BTLA: variants seen among roughly 807,000 people sequenced by gnomAD.
The protein encoded by BTLA is B- and T-lymphocyte attenuator.
BTLA carries 11 observed loss-of-function variants against 25.0 expected under a neutral mutation model. That is an observed-to-expected ratio of 0.44 (90% confidence interval 0.28 to 0.73). The LOEUF is 0.73. Among genes scored for constraint, BTLA ranks in the 30% least tolerant of loss-of-function variants. BTLA has a pLI of 0.15. For synonymous variants in BTLA, 104 were observed against 119.8 expected (o/e 0.87, Z 0.86); for missense variants, 282 against 332.8 (o/e 0.85, Z 1.19).
intron 2 of BTLA, among the ~76,000 whole-genome samples, chr3:112,472,437 C>A (rs2082267831): frequency 6.6e-6 from 1 of 151,906 alleles, no homozygotes; most frequent in Non-Finnish European, 1.5e-5. Context: ...TGGCTCACAC[C>A]TGTAATCTCA....
In BTLA at chr3:112,466,312, T is replaced by A. The variant is rs753501143; in HGVS notation, c.666A>T (p.Glu222Asp). The stretch of plus-strand genomic sequence containing the variant: ...CAGGGTCATTATCATAAATTCCAGT[T>A]TCTGATAGCAGTACTTGGGAATTTT... ...TRQNSQVLLS[E>D]TGIYDNDPDL... is the part of the protein sequence containing the mutation. Residue 222 changes from glutamate to aspartate, a missense_variant, in exon 5 of 5, where the codon GAA (glutamate) becomes GAT (aspartate). Transcript: ENST00000334529. The A allele has an allele frequency of 3.7e-6, 6 of 1,613,860 alleles. No individual in the cohort carries two copies. Among genetic ancestry groups the A allele is most frequent in the African/African-American group, 1.3e-5 (1 of 74,936 alleles).
chr3:112,489,092 C>T, intron 1 of BTLA, among the ~76,000 whole-genome samples: 1 of 152,114 alleles, frequency 6.6e-6, no homozygotes. Flanking sequence ...GCTCAACATA[C>T]CTTACAGTGG....
intron 1 of BTLA, among the ~76,000 whole-genome samples, chr3:112,492,075 C>A (rs2082383541): frequency 6.6e-6 from 1 of 152,200 alleles, no homozygotes; most frequent in Admixed American, 6.5e-5. Context: ...TTCATTACAT[C>A]TCTGCCAAGT....
chr3:112,488,506 G>GCCA lies in BTLA; in HGVS notation c.89-8740_89-8738dup, dbSNP rs571367718. The stretch of plus-strand genomic sequence containing the variant: ...CAAAGTGCTGGGATTACAGGCGTGA[G>GCCA]CCACCGCACTGGGCCTAGCCCAGTA... On this transcript the variant is annotated intron_variant, in intron 1 of 4. Transcript: ENST00000334529. Among the ~76,000 whole-genome samples, 11 of 152,246 alleles carry GCCA rather than the reference G, an allele frequency of 7.2e-5. 1 individual carries two copies. Among genetic ancestry groups the GCCA allele is most frequent in the Middle Eastern group, 3.4e-3 (1 of 294 alleles).
At position 112,499,369 on chromosome 3, in the gene BTLA, T is replaced by G; in HGVS notation, c.-11A>C. The G allele has an allele frequency of 1.2e-6, 2 of 1,611,994 alleles. No homozygotes were observed. Among genetic ancestry groups the G allele is most frequent in the Non-Finnish European group, 1.7e-6 (2 of 1,178,970 alleles). ...AGGCAATGTCTTCATTTCCTGCACA[T>G]ATCAGTGATGGAAAAACTGCTCAAG... On this transcript the variant is annotated 5_prime_UTR_variant, in exon 1 of 5. An upstream start codon of the reference 5' UTR is lost. Transcript: ENST00000334529.
rs972031735 is a variant in BTLA at position 112,493,069 on chromosome 3, A to G, written c.88+6202T>C. ...TGAGATAAACATGTAAATCAGGTCC[A>G]TAACCATGAGAGTATACCAGAAAGG... On this transcript the variant is annotated intron_variant, in intron 1 of 4. Transcript: ENST00000334529. Among the ~76,000 whole-genome samples the G allele has an allele frequency of 3.3e-5, 5 of 152,220 alleles. No homozygotes were observed. In the South Asian group the frequency reaches 1.0e-3, roughly 32 times the overall value.
At chr3:112,475,948 A>G (rs2082286477) in intron 2 of BTLA, among the ~76,000 whole-genome samples, 1 of 152,212 alleles carries the variant, frequency 6.6e-6, no homozygotes, top group South Asian at 2.1e-4. Context: ...CATTAATGTG[A>G]ATTAATAATG....
intron 1 of BTLA, among the ~76,000 whole-genome samples, chr3:112,488,196 A>C (rs2082358929): frequency 2.0e-5 from 3 of 148,438 alleles, no homozygotes; most frequent in Non-Finnish European, 3.0e-5. Flanking sequence ...TCAATTCTCC[A>C]CATCACTGTC....
At chr3:112,493,446 G>A (rs541214721) in intron 1 of BTLA, among the ~76,000 whole-genome samples, 1 of 151,802 alleles carries the variant, frequency 6.6e-6, no homozygotes, top group East Asian at 2.0e-4. Context: ...ACTTAAATAA[G>A]TTTACAAGAA....
At chr3:112,467,554 C>T (rs2082236986) in intron 4 of BTLA, among the ~76,000 whole-genome samples, 1 of 152,206 alleles carries the variant, frequency 6.6e-6, no homozygotes, top group African/African-American at 2.4e-5. Flanking sequence ...TTTGTCTGGT[C>T]CTTTGTCATC....
chr3:112,490,604 AACACACACACACACAC>A (rs55894234), intron 1 of BTLA, among the ~76,000 whole-genome samples: 2 of 142,342 alleles, frequency 1.4e-5, no homozygotes, highest in South Asian at 2.3e-4. Flanking sequence ...TCCCTGGGTA[AACACACACACACACAC>A]ACACACACAC....
chr3:112,472,827 T>C (rs1295418914), intron 2 of BTLA, among the ~76,000 whole-genome samples: 2 of 152,048 alleles, frequency 1.3e-5, no homozygotes, highest in Non-Finnish European at 1.5e-5. Context: ...TGGTAACAAA[T>C]GTTGTCTATT....
chr3:112,469,642 TATATATAG>T (rs1384208908), intron 4 of BTLA, 108 bp downstream of exon 4: 42 of 306,660 alleles, frequency 1.4e-4, no homozygotes, highest in African/African-American at 8.6e-4. Context: ...TATATATATA[TATATATAG>T]TACATAGAAT....
intron 4 of BTLA, 39 bp downstream of exon 4, chr3:112,469,719 C>T: frequency 1.9e-6 from 3 of 1,556,188 alleles, no homozygotes; most frequent in Middle Eastern, 1.7e-4. Flanking sequence ...CACAGTATAA[C>T]ACAAATTGCA....
chr3:112,499,063 C>T (rs1018247683), intron 1 of BTLA, among the ~76,000 whole-genome samples: 2 of 152,174 alleles, frequency 1.3e-5, no homozygotes, highest in Non-Finnish European at 2.9e-5. Flanking sequence ...GCTATTGATG[C>T]GATGCCTATG....
Position 112,466,129 on chromosome 3 carries a change from T to C in BTLA, c.849A>G (p.Ala283=). ...RNVKEAPTEY[A]SICVRS ...AGACTTAACTCCTCACACATATGGATGCATATTCTGTTGGTGCTTCTTTTA... is the reference window on the plus strand; with the variant it reads ...AGACTTAACTCCTCACACATATGGACGCATATTCTGTTGGTGCTTCTTTTA... The change falls in exon 5 of 5, where the codon GCA becomes GCG. Residue 283 remains alanine, a synonymous_variant. Transcript: ENST00000334529. 1 of 1,605,822 alleles carries C rather than the reference T, an allele frequency of 6.2e-7. No homozygotes were observed. The highest frequency in any genetic ancestry group is 8.5e-7 in the Non-Finnish European group (1 of 1,173,488).
chr3:112,475,005 T>G (rs1050642228), intron 2 of BTLA, among the ~76,000 whole-genome samples: 3 of 152,086 alleles, frequency 2.0e-5, no homozygotes, highest in African/African-American at 7.2e-5. Flanking sequence ...ATGAGGTAAT[T>G]TAAGTGTATT....
At chr3:112,488,474 G>A (rs1005434854) in intron 1 of BTLA, among the ~76,000 whole-genome samples, 34 of 152,112 alleles carry the variant, frequency 2.2e-4, no homozygotes, top group East Asian at 5.8e-4. Flanking sequence ...CGCCCGCCTC[G>A]GGCTCCCAAA....
rs1313627323 is a variant in BTLA at position 112,498,352 on chromosome 3, G to C, written c.88+919C>G. On this transcript the variant is annotated intron_variant, in intron 1 of 4. Coordinates refer to ENST00000334529, the MANE Select transcript of BTLA (RefSeq NM_181780.4). ...AACCCGGGAGGAAGAAGAATCGATT[G>C]AACCCGGGAGGCAGAGGATGCAGTG... 2.6e-5 allele frequency among the ~76,000 whole-genome samples: 4 copies of C among 151,890 alleles called. 1 individual carries two copies. In the East Asian group the frequency reaches 7.7e-4, roughly 29 times the overall value.
Sources: allele counts gnomAD v4.1 joint callset (sites outside exome capture counted in the v4.1 genomes callset), GRCh38; gene constraint gnomAD v4.1.1; transcripts MANE v1.5; gene names NCBI Gene and HGNC (gene_info 2026-07-23, HGNC 2026-07-21).